UQCRC2: variants seen among roughly 807,000 people sequenced by gnomAD.
The protein encoded by UQCRC2 is ubiquinol-cytochrome c reductase core protein 2.
In UQCRC2, 49 loss-of-function variants were observed where a neutral mutation model predicts 55.6. That is an observed-to-expected ratio of 0.88 (90% CI 0.70 to 1.12). UQCRC2 has a LOEUF of 1.12. UQCRC2 is among the 50% of genes most tolerant of loss of function. The pLI, the probability that UQCRC2 is intolerant of heterozygous loss-of-function variation, is 0.00. For missense variants in UQCRC2, 506 were observed against 547.8 expected (o/e 0.92, Z 0.76); for synonymous variants, 193 against 192.0 (o/e 1.01, Z -0.04).
intron 1 of UQCRC2, among the ~76,000 whole-genome samples, chr16:21,954,804 G>A (rs1898062899): frequency 6.6e-6 from 1 of 151,908 alleles, no homozygotes. Context: ...AGCACTTTGG[G>A]AGTCAGAGGC....
At chr16:21,975,526 A>G (rs958265435) in intron 11 of UQCRC2, among the ~76,000 whole-genome samples, 50 of 152,194 alleles carry the variant, frequency 3.3e-4, no homozygotes, top group Admixed American at 6.5e-5. Flanking sequence ...GGAGAAAATC[A>G]TGGTCAGATT....
At chr16:21,983,034 G>T in intron 13 of UQCRC2, 54 bp from the exon 14 acceptor site, 1 of 1,495,642 alleles carries the variant, frequency 6.7e-7, no homozygotes, top group Non-Finnish European at 9.2e-7. Flanking sequence ...TCGCCTGCTT[G>T]ATGATATATA....
At chr16:21,980,967 C>T (rs1184261967) in intron 13 of UQCRC2, among the ~76,000 whole-genome samples, 1 of 152,044 alleles carries the variant, frequency 6.6e-6, no homozygotes, top group African/African-American at 2.4e-5. Flanking sequence ...ACTGAGATGG[C>T]AGTCAAAAGT....
chr16:21,967,022 T>C (rs1444375063), intron 7 of UQCRC2, among the ~76,000 whole-genome samples: 3 of 152,194 alleles, frequency 2.0e-5, no homozygotes, highest in Non-Finnish European at 2.9e-5. Context: ...TTTTTTTTAA[T>C]AAAAGGTATG....
chr16:21,969,836 C>T (rs1322090556), intron 8 of UQCRC2, among the ~76,000 whole-genome samples: 1 of 151,852 alleles, frequency 6.6e-6, no homozygotes, highest in Non-Finnish European at 1.5e-5. Flanking sequence ...TTCTCATCTT[C>T]CCCCTGCCTG....
intron 8 of UQCRC2, 21 bp downstream of exon 8, chr16:21,968,706 G>C: frequency 6.3e-7 from 1 of 1,593,588 alleles, no homozygotes; most frequent in Non-Finnish European, 8.5e-7. Flanking sequence ...AGTATTGCCT[G>C]CCTGTCAGTT....
intron 13 of UQCRC2, among the ~76,000 whole-genome samples, chr16:21,982,278 C>G (rs1898750953): frequency 6.6e-6 from 1 of 152,136 alleles, no homozygotes; most frequent in Admixed American, 6.5e-5. Flanking sequence ...GCTGCTGCTC[C>G]ACCTACACCT....
intron 1 of UQCRC2, among the ~76,000 whole-genome samples, chr16:21,955,539 A>G (rs1214349904): frequency 6.6e-6 from 1 of 152,192 alleles, no homozygotes; most frequent in Non-Finnish European, 1.5e-5. Context: ...TTTGTATGGC[A>G]TTGTATAACA....
At chr16:21,962,987 TTTTA>T (rs1898242258) in intron 6 of UQCRC2, 102 bp downstream of exon 6, 3 of 1,364,584 alleles carry the variant, frequency 2.2e-6, no homozygotes, top group Non-Finnish European at 9.7e-7. Context: ...TTATTTTTAT[TTTTA>T]TTTATTTATT....
At chr16:21,963,183 T>C (rs1284587812) in intron 6 of UQCRC2, 1 of 205,430 alleles carries the variant, frequency 4.9e-6, no homozygotes, top group African/African-American at 2.3e-5. Flanking sequence ...AGAAACAGGG[T>C]TTTGCCATGT....
At position 21,971,819 on chromosome 16, in the gene UQCRC2, G is replaced by C. The variant is rs912595928; in HGVS notation, c.767-104G>C. On this transcript the variant is annotated intron_variant, in intron 9 of 13. Coordinates refer to ENST00000268379, the MANE Select transcript of UQCRC2 (RefSeq NM_003366.4). ...GGCATGGGGAAAGCACCGAGCTGCA[G>C]AAAAGACTCGTGGGTTAATACTGTG... The C allele has an allele frequency of 3.3e-6, 5 of 1,530,654 alleles. No homozygotes were observed. The Admixed American group carries it at 6.8e-5, about 21-fold the overall frequency. The allele number at this position is 1,530,654 out of a possible 1,614,324, so 94.8% of individuals were successfully genotyped here.
intron 1 of UQCRC2, among the ~76,000 whole-genome samples, chr16:21,953,899 A>G (rs955271650): frequency 6.6e-6 from 1 of 152,216 alleles, no homozygotes; most frequent in Admixed American, 6.5e-5. Flanking sequence ...GCTAATGCAG[A>G]TAGAACACTT....
In UQCRC2 at chr16:21,962,486, C is replaced by G; in HGVS notation, c.359C>G (p.Ala120Gly). 6.2e-7 allele frequency: 1 copy of G among 1,614,132 alleles called. No homozygotes were observed. The highest frequency in any genetic ancestry group is 8.5e-7 in the Non-Finnish European group (1 of 1,180,012). ...LSVTATRENMAYTVECLRGDV... is the reference protein window; with the variant it reads ...LSVTATRENMGYTVECLRGDV... ...GTGACCGCAACAAGGGAAAACATGG[C>G]TTATACTGTGGAATGCCTGCGGGGT... Residue 120 changes from alanine (A) to glycine (G), a missense_variant, in exon 5 of 14, where the codon GCT becomes GGT. Ala to Gly is a moderately conservative substitution (Grantham distance 60, BLOSUM62 0). Coordinates refer to ENST00000268379, the MANE Select transcript of UQCRC2 (RefSeq NM_003366.4).
intron 4 of UQCRC2, 71 bp from the exon 5 acceptor site, chr16:21,962,389 G>T: frequency 1.3e-6 from 2 of 1,563,158 alleles, no homozygotes; most frequent in Admixed American, 1.7e-5. Flanking sequence ...GGAATTGGTT[G>T]ATAGAAGATT....
chr16:21,972,928 T>C (rs1898496810), intron 10 of UQCRC2, among the ~76,000 whole-genome samples: 1 of 152,146 alleles, frequency 6.6e-6, no homozygotes, highest in South Asian at 2.1e-4. Context: ...AGTGAAACCC[T>C]GTCTCTACTA....
At chr16:21,962,964 G>C in intron 6 of UQCRC2, 79 bp downstream of exon 6, 2 of 1,485,080 alleles carry the variant, frequency 1.3e-6, no homozygotes, top group Admixed American at 2.3e-5. Flanking sequence ...AAAAAAAATT[G>C]CTGTCAAAAT....
At chr16:21,977,874 C>T (rs917284986) in intron 12 of UQCRC2, among the ~76,000 whole-genome samples, 3 of 152,114 alleles carry the variant, frequency 2.0e-5, no homozygotes, top group Non-Finnish European at 4.4e-5. Context: ...AGTTGCATCT[C>T]TTGTATAAGT....
intron 8 of UQCRC2, 72 bp downstream of exon 8, chr16:21,968,757 A>T: frequency 7.2e-7 from 1 of 1,386,812 alleles, no homozygotes; most frequent in South Asian, 1.5e-5. Context: ...AATTACGTGA[A>T]CATAGGATTG....
intron 12 of UQCRC2, chr16:21,976,512 C>G: frequency 3.0e-6 from 1 of 335,292 alleles, no homozygotes; most frequent in Non-Finnish European, 5.5e-6. Context: ...GGCAACATAG[C>G]AAGACCTCGT....
Sources: gnomAD v4.1 joint callset for allele counts (sites outside exome capture counted in the v4.1 genomes callset) on GRCh38, gnomAD v4.1.1 for gene constraint, MANE v1.5 for transcripts, NCBI Gene and HGNC (gene_info 2026-07-23, HGNC 2026-07-21) for gene names.